The following MSRA variants were observed in gnomAD, a reference collection of about 807,000 sequenced individuals.
MSRA encodes mitochondrial peptide methionine sulfoxide reductase.
In MSRA, 54 loss-of-function variants were observed where a neutral mutation model predicts 31.3. The observed-to-expected ratio is 1.73, with a 90% CI of 1.39 to 2.17. MSRA has a LOEUF of 2.17. MSRA is among the 30% of genes most tolerant of loss of function. MSRA has a pLI of 0.00. For missense variants in MSRA, 507 were observed against 300.9 expected, an observed-to-expected ratio of 1.69 and a Z score of -5.07; for synonymous variants, 169 against 116.5, an observed-to-expected ratio of 1.45 and a Z score of -2.90.
At chr8:10,424,973 C>T (rs915888094) in intron 5 of MSRA, among the ~76,000 whole-genome samples, 2 of 152,212 alleles carry the variant, frequency 1.3e-5, no homozygotes, top group Non-Finnish European at 2.9e-5. Flanking sequence ...TGAACAGTGG[C>T]GGAGGGAGAC....
chr8:10,160,231 G>C (rs1428855285), intron 1 of MSRA, among the ~76,000 whole-genome samples: 1 of 152,104 alleles, frequency 6.6e-6, no homozygotes, highest in Non-Finnish European at 1.5e-5. Flanking sequence ...AGGCACAGTG[G>C]CTCACACCTG....
intron 5 of MSRA, among the ~76,000 whole-genome samples, chr8:10,364,193 A>G (rs1177654707): frequency 6.6e-6 from 1 of 152,194 alleles, no homozygotes; most frequent in Non-Finnish European, 1.5e-5. Flanking sequence ...ATTGCAATAT[A>G]GTAACTGAAT....
rs114452061 is a variant in MSRA at position 10,288,117 on chromosome 8, G to C, written c.332-13417G>C. 1.5e-3 allele frequency among the ~76,000 whole-genome samples: 225 copies of C among 152,270 alleles called. 3 individuals are homozygous for C. The highest frequency in any genetic ancestry group is 5.0e-3 in the African/African-American group (209 of 41,536). ...GAAAATGAGGCTGGAATTATAGTTGGTTTGGTCACCATTTTGATTGTACTG... is the reference window on the plus strand; with the variant it reads ...GAAAATGAGGCTGGAATTATAGTTGCTTTGGTCACCATTTTGATTGTACTG... On this transcript the variant is annotated intron_variant, in intron 3 of 5. Transcript: ENST00000317173.
chr8:10,381,070 G>A (rs1806040235), intron 5 of MSRA, among the ~76,000 whole-genome samples: 1 of 152,164 alleles, frequency 6.6e-6, no homozygotes, highest in African/African-American at 2.4e-5. Context: ...TGGAGAGATG[G>A]ATTGATGGAT....
chr8:10,097,048 C>T (rs1030216542), intron 1 of MSRA, among the ~76,000 whole-genome samples: 11 of 152,010 alleles, frequency 7.2e-5, no homozygotes, highest in Non-Finnish European at 1.2e-4. Flanking sequence ...CTTAATCCTT[C>T]GACAATAAAA....
chr8:10,315,383 A>G lies in MSRA; in HGVS notation c.437-4500A>G, dbSNP rs372979221. 3.0e-4 allele frequency among the ~76,000 whole-genome samples: 45 copies of G among 152,348 alleles called. 1 individual carries two copies. The East Asian group carries it at 8.7e-3, about 29-fold the overall frequency. ...ATTGTCATCAATAGAGACACATGGAAGACTCTCAAGGGTACTTGGCTGTAC... is the reference window on the plus strand; with the variant it reads ...ATTGTCATCAATAGAGACACATGGAGGACTCTCAAGGGTACTTGGCTGTAC... On this transcript the variant is annotated intron_variant, in intron 4 of 5. Coordinates refer to ENST00000317173, the MANE Select transcript of MSRA (RefSeq NM_012331.5).
At chr8:10,321,819 G>A (rs1802059275) in intron 5 of MSRA, among the ~76,000 whole-genome samples, 1 of 152,160 alleles carries the variant, frequency 6.6e-6, no homozygotes, top group African/African-American at 2.4e-5. Context: ...CCCCAGTCAA[G>A]CCTTCAGATG....
chr8:10,287,777 A>G (rs183441995), intron 3 of MSRA, among the ~76,000 whole-genome samples: 1 of 152,214 alleles, frequency 6.6e-6, no homozygotes, highest in East Asian at 1.9e-4. Flanking sequence ...AATAAGGGAG[A>G]CCCAGGGGTC....
rs571092500 is a variant in MSRA, at chr8:10,098,570, C to T, written c.142+43912C>T. On this transcript the variant is annotated intron_variant, in intron 1 of 5. Coordinates refer to ENST00000317173, the MANE Select transcript of MSRA (RefSeq NM_012331.5). ...GAATAGATTTAAAATAAAATTTAAA[C>T]GCCTAGATAGAAAAAGGCAGTACTA... is the stretch of plus-strand genomic sequence containing the variant. 4.4e-4 allele frequency among the ~76,000 whole-genome samples: 67 copies of T among 152,180 alleles called. No homozygotes were observed. The Middle Eastern group carries it at 0.02, about 46-fold the overall frequency.
At chr8:10,099,188 A>G (rs1010551943) in intron 1 of MSRA, among the ~76,000 whole-genome samples, 6 of 152,216 alleles carry the variant, frequency 3.9e-5, no homozygotes, top group South Asian at 2.1e-4. Flanking sequence ...AAAAGAAGGC[A>G]TAGGTTCATC....
At chr8:10,229,271 C>T (rs931021316) in intron 2 of MSRA, among the ~76,000 whole-genome samples, 3 of 152,058 alleles carry the variant, frequency 2.0e-5, no homozygotes, top group African/African-American at 7.2e-5. Context: ...TATATGAAGA[C>T]GCATTAAGCT....
At chr8:10,325,594 A>G (rs1026247088) in intron 5 of MSRA, among the ~76,000 whole-genome samples, 1 of 152,236 alleles carries the variant, frequency 6.6e-6, no homozygotes, top group Admixed American at 6.5e-5. Flanking sequence ...CTGACTGTTT[A>G]TTCAGTTGAT....
At chr8:10,267,283 A>G (rs976224379) in intron 3 of MSRA, among the ~76,000 whole-genome samples, 14 of 152,182 alleles carry the variant, frequency 9.2e-5, no homozygotes, top group African/African-American at 3.1e-4. Flanking sequence ...GTTCATGACA[A>G]CAGCCAAGAG....
At chr8:10,419,822 T>C (rs1808704007) in intron 5 of MSRA, among the ~76,000 whole-genome samples, 1 of 152,186 alleles carries the variant, frequency 6.6e-6, no homozygotes, top group African/African-American at 2.4e-5. Context: ...GCTTTCTGTC[T>C]TTATAATGGC....
chr8:10,141,970 T>G (rs1202576788), intron 1 of MSRA, among the ~76,000 whole-genome samples: 1 of 152,192 alleles, frequency 6.6e-6, no homozygotes, highest in Non-Finnish European at 1.5e-5. Context: ...TTTGTTTGTT[T>G]GTTTGGAGAT....
chr8:10,235,542 G>C (rs920307434), intron 2 of MSRA, among the ~76,000 whole-genome samples: 1 of 152,086 alleles, frequency 6.6e-6, no homozygotes, highest in South Asian at 2.1e-4. Context: ...AGTAAAGAAA[G>C]AGCAGAAATA....
intron 4 of MSRA, among the ~76,000 whole-genome samples, chr8:10,308,722 G>C (rs961605908): frequency 1.3e-5 from 2 of 152,188 alleles, no homozygotes; most frequent in African/African-American, 4.8e-5. Context: ...GCCTTCATCT[G>C]TTCCATTCCT....
At chr8:10,292,762 G>C (rs1309822503) in intron 3 of MSRA, among the ~76,000 whole-genome samples, 1 of 152,230 alleles carries the variant, frequency 6.6e-6, no homozygotes, top group African/African-American at 2.4e-5. Flanking sequence ...CTGGGACACT[G>C]TGGACTGGGG....
intron 3 of MSRA, among the ~76,000 whole-genome samples, chr8:10,251,499 A>G (rs758076542): frequency 1.5e-4 from 23 of 152,186 alleles, no homozygotes; most frequent in Non-Finnish European, 3.2e-4. Context: ...AGTTCTTGCT[A>G]CAAGCAATTT....
Sources: gnomAD v4.1 joint callset for allele counts (sites outside exome capture counted in the v4.1 genomes callset) on GRCh38, gnomAD v4.1.1 for gene constraint, MANE v1.5 for transcripts, NCBI Gene and HGNC (gene_info 2026-07-23, HGNC 2026-07-21) for gene names.